RAD51B: variants seen among roughly 807,000 people sequenced by gnomAD.
RAD51B encodes the protein DNA repair protein RAD51 homolog 2.
In RAD51B, 38 loss-of-function variants were observed where a neutral mutation model predicts 42.2. The observed-to-expected ratio is 0.90, with a 90% CI of 0.70 to 1.18. The LOEUF (loss-of-function observed/expected upper bound fraction) is 1.18, where lower values mean the gene tolerates loss of function less well. Among genes scored for constraint, RAD51B ranks in the 50% most tolerant of loss-of-function variants. The pLI is 0.00. For missense variants in RAD51B, 373 were observed against 400.7 expected (o/e 0.93, Z 0.59); for synonymous variants, 154 against 145.2 (o/e 1.06, Z -0.43).
chr14:67,915,212 A>G (rs2044111989), intron 7 of RAD51B, among the ~76,000 whole-genome samples: 1 of 152,202 alleles, frequency 6.6e-6, no homozygotes, highest in Admixed American at 6.5e-5. Flanking sequence ...CTGTGCATTT[A>G]TACCCCCAAA....
chr14:68,539,167 A>T (rs1026810693), intron 10 of RAD51B, among the ~76,000 whole-genome samples: 3 of 152,204 alleles, frequency 2.0e-5, no homozygotes, highest in African/African-American at 7.2e-5. Context: ...GTTGCTCTCC[A>T]CAGGGATCCC....
intron 10 of RAD51B, among the ~76,000 whole-genome samples, chr14:68,537,017 G>C (rs1024193527): frequency 6.8e-6 from 1 of 147,984 alleles, no homozygotes; most frequent in Non-Finnish European, 1.5e-5. Flanking sequence ...GGAGGTAGAA[G>C]CTGCAGTGAG....
intron 9 of RAD51B, among the ~76,000 whole-genome samples, chr14:68,415,031 CAAAAAAAAAAAAAA>C (rs71129885): frequency 1.8e-4 from 6 of 32,512 alleles, no homozygotes; most frequent in South Asian, 5.1e-3. Context: ...GACTCTGTCT[CAAAAAAAAAAAAAA>C]AAAAAAAAAA....
intron 10 of RAD51B, among the ~76,000 whole-genome samples, chr14:68,523,702 G>A (rs563778220): frequency 1.3e-5 from 2 of 152,262 alleles, no homozygotes; most frequent in Admixed American, 1.3e-4. Flanking sequence ...ATGCCTCTTG[G>A]TGTATGTGGG....
chr14:68,291,879 C>T lies in RAD51B; in HGVS notation c.757-5C>T. On this transcript the variant is annotated splice_region_variant and splice_polypyrimidine_tract_variant and intron_variant, in intron 7 of 10. Transcript: ENST00000471583. Reference sequence around the variant, plus strand: ...CCCCTACCCCTTCTCCCTGTCTGTTCACAGGTTATCTTGACGAATCAGATT... The same window carrying T: ...CCCCTACCCCTTCTCCCTGTCTGTTTACAGGTTATCTTGACGAATCAGATT... The T allele has an allele frequency of 6.2e-7, 1 of 1,609,622 alleles. No homozygotes were observed. Among genetic ancestry groups the T allele is most frequent in the African/African-American group, 1.3e-5 (1 of 74,812 alleles).
rs538005274 is a variant in RAD51B, at chr14:68,552,640, A to T, written c.1037-41845A>T. On this transcript the variant is annotated intron_variant, in intron 10 of 10. Coordinates refer to the RAD51B transcript ENST00000487270. ...AATGCAATAATCATAGTATTTTTTT[A>T]AAAATAAATTATCTGGAGCAAATTT... Among the ~76,000 whole-genome samples the T allele has an allele frequency of 1.7e-3, 252 of 152,304 alleles. 2 individuals carry two copies. Among genetic ancestry groups the T allele is most frequent in the African/African-American group, 5.6e-3 (234 of 41,566 alleles).
At chr14:68,243,673 A>G (rs2080437595) in intron 7 of RAD51B, among the ~76,000 whole-genome samples, 1 of 152,152 alleles carries the variant, frequency 6.6e-6, no homozygotes, top group Admixed American at 6.5e-5. Context: ...TTTACATATG[A>G]ATTCACACTA....
intron 4 of RAD51B, among the ~76,000 whole-genome samples, chr14:67,852,143 A>G (rs966044643): frequency 3.3e-5 from 5 of 152,218 alleles, no homozygotes; most frequent in African/African-American, 1.2e-4. Flanking sequence ...ACCCAGTGAA[A>G]TACAGAGCCA....
At position 68,602,924 on chromosome 14, in the gene RAD51B, T is replaced by C. The variant is rs115429822; in HGVS notation, c.1037-8082T>C. Among the ~76,000 whole-genome samples, 1,522 of 152,268 alleles carry C rather than the reference T, an allele frequency of 1.0e-2. 31 individuals are homozygous for C. The highest frequency in any genetic ancestry group is 0.035 in the African/African-American group (1,438 of 41,530). ...CACAATGCTTCCCTGCTCCAAAACC[T>C]AAACACCCATATGCCTGACATGCAA... On this transcript the variant is annotated intron_variant, in intron 10 of 10. Coordinates refer to the RAD51B transcript ENST00000487861.
chr14:67,898,745 A>T (rs953556199), intron 7 of RAD51B, among the ~76,000 whole-genome samples: 1 of 152,218 alleles, frequency 6.6e-6, no homozygotes, highest in Non-Finnish European at 1.5e-5. Context: ...AAACAACTTT[A>T]ATTTTCCTAG....
intron 7 of RAD51B, among the ~76,000 whole-genome samples, chr14:68,148,940 GA>G (rs1284681179): frequency 3.3e-5 from 5 of 152,276 alleles, no homozygotes; most frequent in African/African-American, 1.2e-4. Context: ...AATTTACAAA[GA>G]ACTTATTGAG....
chr14:68,017,939 C>G (rs577496693), intron 7 of RAD51B, among the ~76,000 whole-genome samples: 3 of 151,868 alleles, frequency 2.0e-5, no homozygotes, highest in African/African-American at 7.3e-5. Flanking sequence ...TCACTGTACT[C>G]CAGCCTAGTG....
chr14:68,203,716 C>G (rs1387438759), intron 7 of RAD51B, among the ~76,000 whole-genome samples: 5 of 152,182 alleles, frequency 3.3e-5, no homozygotes, highest in Non-Finnish European at 5.9e-5. Context: ...TTAGTTGAGT[C>G]GCCTTCATCA....
chr14:67,976,006 G>A (rs1403513724), intron 7 of RAD51B, among the ~76,000 whole-genome samples: 1 of 151,114 alleles, frequency 6.6e-6, no homozygotes, highest in South Asian at 2.1e-4. Context: ...GTTGATTCTT[G>A]TTCTCCACTC....
At chr14:68,312,464 T>A (rs1187937241) in intron 8 of RAD51B, among the ~76,000 whole-genome samples, 2 of 152,176 alleles carry the variant, frequency 1.3e-5, no homozygotes, top group African/African-American at 4.8e-5. Context: ...ACCTGCAAAT[T>A]CCCTCCAGTA....
In RAD51B at chr14:68,448,985, G is replaced by C. The variant is rs2085489651; in HGVS notation, c.958-19187G>C. 2.0e-5 allele frequency among the ~76,000 whole-genome samples: 3 copies of C among 152,080 alleles called. No homozygotes were observed. In the South Asian group the frequency reaches 6.2e-4, roughly 32 times the overall value. On this transcript the variant is annotated intron_variant, in intron 9 of 10. Coordinates refer to ENST00000471583, the MANE Select transcript of RAD51B (RefSeq NM_133510.4). ...TCTATGCATATATCAAAATATTTAT[G>C]TACTCACCATATATAATGTTATATA...
chr14:68,311,755 C>T (rs2081972174), intron 8 of RAD51B, among the ~76,000 whole-genome samples: 1 of 152,166 alleles, frequency 6.6e-6, no homozygotes, highest in African/African-American at 2.4e-5. Context: ...GGCATGGTGG[C>T]ATGTGCCTGT....
At chr14:68,004,996 A>G (rs1365586011) in intron 7 of RAD51B, among the ~76,000 whole-genome samples, 1 of 147,858 alleles carries the variant, frequency 6.8e-6, no homozygotes, top group African/African-American at 2.5e-5. Context: ...ACAATAGAAC[A>G]TATTACATAT....
At chr14:68,230,651 T>C (rs2140981804) in intron 7 of RAD51B, among the ~76,000 whole-genome samples, 1 of 152,326 alleles carries the variant, frequency 6.6e-6, no homozygotes, top group Non-Finnish European at 1.5e-5. Context: ...GGATCTACAG[T>C]GAGGGAATAG....
Sources: gnomAD v4.1 joint callset for allele counts (sites outside exome capture counted in the v4.1 genomes callset) on GRCh38, gnomAD v4.1.1 for gene constraint, MANE v1.5 for transcripts, NCBI Gene and HGNC (gene_info 2026-07-23, HGNC 2026-07-21) for gene names.